Variants in IQSEC1 observed in about 807,000 individuals in gnomAD.
IQSEC1 encodes IQ motif and Sec7 domain ArfGEF 1, also known as IQ motif and SEC7 domain-containing protein 1.
Under a neutral mutation model 91.0 loss-of-function variants are expected in IQSEC1, and 31 were observed. The ratio of observed to expected loss-of-function variants is 0.34; its 90% confidence interval spans 0.26 to 0.46. The LOEUF (loss-of-function observed/expected upper bound fraction) is 0.46. IQSEC1 is among the 20% of genes least tolerant of loss of function. The pLI is 1.00. For synonymous variants in IQSEC1, 699 were observed against 662.6 expected (o/e 1.05, Z -0.84); for missense variants, 1,388 against 1,575.6 (o/e 0.88, Z 2.02).
In IQSEC1 at chr3:12,924,526, G is replaced by T. The variant is rs141252693; in HGVS notation, c.1730+55C>A. The T allele has an allele frequency of 2.6e-6, 4 of 1,521,410 alleles. No individual in the cohort carries two copies. The highest frequency in any genetic ancestry group is 3.6e-6 in the Non-Finnish European group (4 of 1,123,226). The allele number at this position is 1,521,410 out of a possible 1,614,324, so 94.2% of individuals were successfully genotyped here. A position where few individuals can be genotyped will look rare whatever the true frequency, so the allele number is the denominator to read the frequency against. On this transcript the variant is annotated intron_variant, in intron 4 of 13. Coordinates refer to ENST00000613206, the MANE Select transcript of IQSEC1 (RefSeq NM_001134382.3). The surrounding 1 kb of genome is among the most constrained non-coding windows in gnomAD (Gnocchi z 6.3). ...TGTGTGTGCCCACGGGTAACACAGG[G>T]TGCGTGAGGGCGTGTGTGGAATCAG...
At position 12,909,225 on chromosome 3, in the gene IQSEC1, CAG is replaced by C. The variant is rs1348936770; in HGVS notation, c.2578+46_2578+47del. 3.8e-6 allele frequency: 6 copies of C among 1,596,612 alleles called. No individual in the cohort carries two copies. Among genetic ancestry groups the C allele is most frequent in the Non-Finnish European group, 5.1e-6 (6 of 1,167,290 alleles). On this transcript the variant is annotated intron_variant, in intron 11 of 13. Coordinates refer to ENST00000613206, the MANE Select transcript of IQSEC1 (RefSeq NM_001134382.3). The surrounding 1 kb of genome is among the most constrained non-coding windows in gnomAD (Gnocchi z 4.9). The stretch of plus-strand genomic sequence containing the variant: ...TGCCCTGACATGGGGAGGCAAGTGC[CAG>C]AGTCTGGCAAGTCTCGGCCTTCTGT...
chr3:13,198,944 T>C (rs1694187385), intron 1 of IQSEC1, among the ~76,000 whole-genome samples: 2 of 152,232 alleles, frequency 1.3e-5, no homozygotes, highest in Admixed American at 6.5e-5. Flanking sequence ...AGAGTGACCA[T>C]GGCTGGGCTT....
chr3:12,955,367 G>C (rs1699836695), intron 1 of IQSEC1, among the ~76,000 whole-genome samples: 1 of 152,236 alleles, frequency 6.6e-6, no homozygotes, highest in Admixed American at 6.5e-5. Flanking sequence ...GCCTCAGAAA[G>C]GAAGCAGGGG....
At chr3:13,142,071 G>C (rs1706808819) in intron 2 of IQSEC1, among the ~76,000 whole-genome samples, 1 of 152,246 alleles carries the variant, frequency 6.6e-6, no homozygotes, top group Admixed American at 6.5e-5. Flanking sequence ...GGAAAGGTTT[G>C]AGACGCACAG....
At chr3:13,180,898 C>G (rs1043966542) in intron 1 of IQSEC1, among the ~76,000 whole-genome samples, 2 of 152,182 alleles carry the variant, frequency 1.3e-5, no homozygotes, top group African/African-American at 4.8e-5. Context: ...CCTTTAAGAC[C>G]TGTAACACTC....
At chr3:12,977,712 T>G (rs879541016) in intron 1 of IQSEC1, among the ~76,000 whole-genome samples, 1 of 152,196 alleles carries the variant, frequency 6.6e-6, no homozygotes, top group African/African-American at 2.4e-5. Flanking sequence ...TAATAAGTGC[T>G]GGGTTCACCT....
intron 2 of IQSEC1, among the ~76,000 whole-genome samples, chr3:13,148,921 G>T (rs971814299): frequency 2.0e-5 from 3 of 152,282 alleles, no homozygotes; most frequent in Non-Finnish European, 4.4e-5. Context: ...TTCCAGGGGA[G>T]CCAAGGCTAC....
At chr3:12,990,006 C>T (rs2125624029) in intron 1 of IQSEC1, among the ~76,000 whole-genome samples, 1 of 152,280 alleles carries the variant, frequency 6.6e-6, no homozygotes, top group East Asian at 1.9e-4. Flanking sequence ...TATACCAAAC[C>T]CTCAGTCCAC....
chr3:13,146,333 C>T (rs976815429), intron 2 of IQSEC1, among the ~76,000 whole-genome samples: 1 of 152,196 alleles, frequency 6.6e-6, no homozygotes, highest in Non-Finnish European at 1.5e-5. Flanking sequence ...CACGTGTCAA[C>T]TTCACTGTAA....
chr3:13,253,897 C>T (rs558648203), intron 1 of IQSEC1, among the ~76,000 whole-genome samples: 114 of 152,238 alleles, frequency 7.5e-4, no homozygotes, highest in African/African-American at 2.7e-3. Context: ...CCCATTAAGA[C>T]GGGGTGAAGA....
At chr3:13,021,443 A>G (rs360743) in intron 1 of IQSEC1, among the ~76,000 whole-genome samples, 138,757 of 152,298 alleles carry the variant, frequency 0.91, 63,320 homozygotes, top group South Asian at 0.97. Flanking sequence ...CTGGCACCGC[A>G]CCGGGCCCTG....
chr3:13,095,671 G>A (rs1472511208), intron 2 of IQSEC1, among the ~76,000 whole-genome samples: 3 of 152,098 alleles, frequency 2.0e-5, no homozygotes, highest in Admixed American at 6.5e-5. Flanking sequence ...AGGAACTGGC[G>A]CTTGTAAAAG....
At position 12,979,645 on chromosome 3, in the gene IQSEC1, A is replaced by T. The variant is rs2125580978; in HGVS notation, c.24-37780T>A. Among the ~76,000 whole-genome samples the T allele has an allele frequency of 6.6e-6, 1 of 152,270 alleles. No homozygotes were observed. The highest frequency in any genetic ancestry group is 1.5e-5 in the Non-Finnish European group (1 of 68,022). On this transcript the variant is annotated intron_variant, in intron 1 of 13. Transcript: ENST00000613206. The surrounding 1 kb of genome is among the most constrained non-coding windows in gnomAD (Gnocchi z 4.3). The stretch of plus-strand genomic sequence containing the variant: ...ACCATGACTGTATTACTCCCTATAT[A>T]ATCAATACATTGCATTAAGCCTTTG...
At chr3:13,253,550 T>A (rs772732064) in intron 1 of IQSEC1, among the ~76,000 whole-genome samples, 5 of 152,212 alleles carry the variant, frequency 3.3e-5, no homozygotes, top group Non-Finnish European at 5.9e-5. Context: ...TACAGAAAAC[T>A]ACACTCAACT....
At position 12,898,196 on chromosome 3, in the gene IQSEC1, G is replaced by A. The variant is rs894685449; in HGVS notation, c.*2787C>T. On this transcript the variant is annotated 3_prime_UTR_variant, in exon 14 of 14. Coordinates refer to ENST00000613206, the MANE Select transcript of IQSEC1 (RefSeq NM_001134382.3). ...CCGAAGCTGTGGCTCTGACAGGTGGGATCTCTAAAGGGGACAGTCCCATGA... is the reference window on the plus strand; with the variant it reads ...CCGAAGCTGTGGCTCTGACAGGTGGAATCTCTAAAGGGGACAGTCCCATGA... 6.6e-6 allele frequency: 1 copy of A among 152,380 alleles called. No homozygotes were observed. Among genetic ancestry groups the A allele is most frequent in the Non-Finnish European group, 1.5e-5 (1 of 68,054 alleles). The allele number at this position is 152,380 out of a possible 1,614,324, so 9.4% of individuals were successfully genotyped here. A position where few individuals can be genotyped will look rare whatever the true frequency, so the allele number is the denominator to read the frequency against.
chr3:13,078,618 G>C (rs556414879), intron 2 of IQSEC1, among the ~76,000 whole-genome samples: 1 of 152,322 alleles, frequency 6.6e-6, no homozygotes, highest in Admixed American at 6.5e-5. Flanking sequence ...CCACCTGCAG[G>C]TGAGAGCTGC....
At chr3:12,930,713 T>A (rs1697594067) in intron 3 of IQSEC1, among the ~76,000 whole-genome samples, 1 of 152,126 alleles carries the variant, frequency 6.6e-6, no homozygotes, top group Non-Finnish European at 1.5e-5. Flanking sequence ...CAGTAAAGCC[T>A]CTTTGCTTAA....
intron 3 of IQSEC1, among the ~76,000 whole-genome samples, chr3:12,925,601 A>T (rs972380908): frequency 6.6e-6 from 1 of 152,238 alleles, no homozygotes; most frequent in African/African-American, 2.4e-5. Flanking sequence ...AGGTCACAGC[A>T]CCAGTGGCAG....
At chr3:13,024,853 C>T (rs931897823) in intron 1 of IQSEC1, among the ~76,000 whole-genome samples, 1 of 152,196 alleles carries the variant, frequency 6.6e-6, no homozygotes. Flanking sequence ...TCATCTTTGA[C>T]TCCTTTGTCC....
Sources: gnomAD v4.1 joint callset for allele counts (sites outside exome capture counted in the v4.1 genomes callset) on GRCh38, gnomAD v4.1.1 for gene constraint, Gnocchi (gnomAD v3.1) non-coding constraint, MANE v1.5 for transcripts, NCBI Gene and HGNC (gene_info 2026-07-23, HGNC 2026-07-21) for gene names.